Variants in PARD3 observed in about 807,000 individuals in gnomAD.
The protein encoded by PARD3 is par-3 family cell polarity regulator.
A neutral mutation model predicts 155.4 loss-of-function variants in PARD3; 75 were observed. That is an observed-to-expected ratio of 0.48 (90% confidence interval 0.40 to 0.58). The LOEUF (loss-of-function observed/expected upper bound fraction) is 0.58. PARD3 is among the 20% of genes least tolerant of loss of function. The pLI is 0.00. For missense variants in PARD3, 1,642 were observed against 1,721.7 expected, an observed-to-expected ratio of 0.95 and a Z score of 0.82; for synonymous variants, 576 against 610.5, an observed-to-expected ratio of 0.94 and a Z score of 0.83.
chr10:34,124,793 GC>G (rs1443269619), intron 23 of PARD3, among the ~76,000 whole-genome samples: 2 of 151,942 alleles, frequency 1.3e-5, no homozygotes, highest in Non-Finnish European at 2.9e-5. Flanking sequence ...TTTTATCCCC[GC>G]CCCCATCTTA....
chr10:34,191,993 A>G (rs1950733681), intron 22 of PARD3, among the ~76,000 whole-genome samples: 1 of 152,224 alleles, frequency 6.6e-6, no homozygotes, highest in Non-Finnish European at 1.5e-5. Flanking sequence ...GTAGAAAGCA[A>G]GAACTCTCAC....
chr10:34,529,949 G>A (rs2082730219), intron 2 of PARD3, among the ~76,000 whole-genome samples: 1 of 152,026 alleles, frequency 6.6e-6, no homozygotes, highest in Non-Finnish European at 1.5e-5. Flanking sequence ...TGACCAGGCT[G>A]GTCTCAAACT....
chr10:34,804,344 A>G (rs1843124060), intron 1 of PARD3, among the ~76,000 whole-genome samples: 1 of 152,158 alleles, frequency 6.6e-6, no homozygotes, highest in African/African-American at 2.4e-5. Context: ...GCCAAGATCA[A>G]CTTGATTTGT....
rs937520859 is a variant in PARD3 at position 34,509,222 on chromosome 10, G to A, written c.403+7757C>T. Among the ~76,000 whole-genome samples the A allele has an allele frequency of 4.6e-5, 7 of 152,208 alleles. No individual in the cohort carries two copies. The East Asian group carries it at 1.4e-3, about 29-fold the overall frequency. ...TATCTAGTAACCAGTTTCCTTCAGA[G>A]CAGAACATGCATCTACCTGGGAGCA... On this transcript the variant is annotated intron_variant, in intron 3 of 24. Coordinates refer to ENST00000374788, the MANE Select transcript of PARD3 (RefSeq NM_001184785.2).
intron 2 of PARD3, among the ~76,000 whole-genome samples, chr10:34,587,172 G>A (rs180928655): frequency 6.6e-6 from 1 of 152,220 alleles, no homozygotes; most frequent in Non-Finnish European, 1.5e-5. Flanking sequence ...CACCCAGGCT[G>A]GAGGGCAGTG....
intron 2 of PARD3, among the ~76,000 whole-genome samples, chr10:34,665,541 T>A (rs11009852): frequency 0.022 from 3,338 of 150,294 alleles, 118 homozygotes; most frequent in African/African-American, 0.075. Flanking sequence ...TAAAAATTTT[T>A]AAAAAAAAGA....
At chr10:34,729,065 C>T (rs890513085) in intron 1 of PARD3, among the ~76,000 whole-genome samples, 3 of 152,216 alleles carry the variant, frequency 2.0e-5, no homozygotes, top group Non-Finnish European at 4.4e-5. Flanking sequence ...TTAGACCACA[C>T]AGCCGAGGTG....
chr10:34,334,346 CAAAAA>C (rs34205005), intron 18 of PARD3, among the ~76,000 whole-genome samples: 10,112 of 95,188 alleles, frequency 0.11, 439 homozygotes, highest in Non-Finnish European at 0.14. Flanking sequence ...TCCCTCTTGC[CAAAAA>C]AAAAAAAAAA....
intron 22 of PARD3, among the ~76,000 whole-genome samples, chr10:34,216,733 T>C (rs541850249): frequency 1.1e-4 from 16 of 152,350 alleles, no homozygotes; most frequent in South Asian, 4.1e-4. Flanking sequence ...TTCAGCAGAA[T>C]AGCTGCTTTA....
chr10:34,637,657 C>T (rs1180587469), intron 2 of PARD3, among the ~76,000 whole-genome samples: 1 of 152,208 alleles, frequency 6.6e-6, no homozygotes, highest in Non-Finnish European at 1.5e-5. Context: ...TGTGCAATCA[C>T]GCTGCCCCCC....
chr10:34,368,625 T>C (rs1458670276), intron 12 of PARD3, among the ~76,000 whole-genome samples: 1 of 151,740 alleles, frequency 6.6e-6, no homozygotes, highest in East Asian at 1.9e-4. Flanking sequence ...TGAGCCAAGA[T>C]CGCACCATTG....
At chr10:34,405,751 A>G (rs1844396789) in intron 5 of PARD3, among the ~76,000 whole-genome samples, 5 of 152,230 alleles carry the variant, frequency 3.3e-5, no homozygotes, top group Admixed American at 3.3e-4. Context: ...CCACACCGCT[A>G]GCCAGAGTAT....
At chr10:34,812,923 C>A (rs1844382969) in intron 1 of PARD3, among the ~76,000 whole-genome samples, 1 of 152,152 alleles carries the variant, frequency 6.6e-6, no homozygotes, top group Non-Finnish European at 1.5e-5. Context: ...AGGTCCGTGA[C>A]CAAGGCCCTG....
At chr10:34,633,238 C>T (rs2092342072) in intron 2 of PARD3, among the ~76,000 whole-genome samples, 1 of 152,126 alleles carries the variant, frequency 6.6e-6, no homozygotes, top group Non-Finnish European at 1.5e-5. Flanking sequence ...GCTACATTCA[C>T]TACACCATGT....
At chr10:34,737,254 C>T (rs1458504258) in intron 1 of PARD3, among the ~76,000 whole-genome samples, 5 of 152,182 alleles carry the variant, frequency 3.3e-5, no homozygotes, top group Admixed American at 2.0e-4. Context: ...GTGCCTTTCA[C>T]TTTTCAACAG....
intron 2 of PARD3, among the ~76,000 whole-genome samples, chr10:34,633,004 C>A (rs1293551610): frequency 6.6e-6 from 1 of 152,210 alleles, no homozygotes; most frequent in Non-Finnish European, 1.5e-5. Flanking sequence ...CCCCCAGGGG[C>A]TCGCCTGACT....
chr10:34,485,998 A>G (rs1375973234), intron 3 of PARD3, among the ~76,000 whole-genome samples: 1 of 143,178 alleles, frequency 7.0e-6, no homozygotes. Context: ...ATCGTAGATC[A>G]CTGCATCCTT....
At chr10:34,812,185 C>T (rs1844269049) in intron 1 of PARD3, among the ~76,000 whole-genome samples, 1 of 152,208 alleles carries the variant, frequency 6.6e-6, no homozygotes, top group Non-Finnish European at 1.5e-5. Context: ...CCCCACCACA[C>T]CAGAAAATGT....
rs149078970 is a variant in PARD3, at chr10:34,163,279, G to A, written c.3420-31696C>T. On this transcript the variant is annotated intron_variant, in intron 22 of 24. Transcript: ENST00000374788. Reference sequence around the variant, plus strand: ...GGGGGGGAGGACACACCCACAAGGCGTGGGAGAAAACAATTAGACTAAGAT... The same window carrying A: ...GGGGGGGAGGACACACCCACAAGGCATGGGAGAAAACAATTAGACTAAGAT... 4.6e-3 allele frequency among the ~76,000 whole-genome samples: 707 copies of A among 152,234 alleles called. 6 individuals are homozygous for A. The highest frequency in any genetic ancestry group is 0.016 in the African/African-American group (670 of 41,558).
Sources: allele counts gnomAD v4.1 joint callset (sites outside exome capture counted in the v4.1 genomes callset), GRCh38; gene constraint gnomAD v4.1.1; transcripts MANE v1.5; gene names NCBI Gene and HGNC (gene_info 2026-07-23, HGNC 2026-07-21).